The following MTMR8 variants were observed in gnomAD, a reference collection of about 807,000 sequenced individuals.
MTMR8 encodes the protein myotubularin related protein 8.
A neutral mutation model predicts 39.3 loss-of-function variants in MTMR8; 65 were observed. That is an observed-to-expected ratio of 1.65 (90% CI 1.35 to 2.03). The LOEUF (loss-of-function observed/expected upper bound fraction) is 2.03. Among genes scored for constraint, MTMR8 ranks in the 30% most tolerant of loss-of-function variants. The pLI is 0.00. For missense variants in MTMR8, 777 were observed against 538.9 expected (o/e 1.44, Z -4.37); for synonymous variants, 245 against 185.2 (o/e 1.32, Z -2.62).
chrX:64,360,390 C>CAA (rs60554048), intron 1 of MTMR8: 395 of 189,418 alleles, frequency 2.1e-3, no homozygotes, highest in Non-Finnish European at 2.3e-3. Context: ...TCAAGCAGAC[C>CAA]AAAAAAAAAA....
intron 12 of MTMR8, among the ~76,000 whole-genome samples, chrX:64,276,858 TCTC>T (rs1931881731): frequency 9.0e-6 from 1 of 111,523 alleles, no homozygotes; most frequent in Non-Finnish European, 1.9e-5. Context: ...GGTATTAAAG[TCTC>T]CTACTATTAT....
At chrX:64,287,313 G>A (rs1342467239) in intron 12 of MTMR8, among the ~76,000 whole-genome samples, 3 of 111,465 alleles carry the variant, frequency 2.7e-5, no homozygotes, top group Non-Finnish European at 5.7e-5. Context: ...CGAAATAAAA[G>A]AGGATACAAA....
chrX:64,384,470 G>T (rs1300122943), intron 1 of MTMR8, among the ~76,000 whole-genome samples: 3 of 111,801 alleles, frequency 2.7e-5, no homozygotes, highest in South Asian at 3.7e-4. Context: ...GAGGTTCTCT[G>T]TGAGGGCTCT....
At chrX:64,364,297 T>C (rs760592268) in intron 1 of MTMR8, among the ~76,000 whole-genome samples, 1 of 112,630 alleles carries the variant, frequency 8.9e-6, no homozygotes, top group Non-Finnish European at 1.9e-5. Flanking sequence ...AGTGGGTTCC[T>C]GACCACTGTG....
At chrX:64,393,603 G>A (rs1025218261) in intron 1 of MTMR8, among the ~76,000 whole-genome samples, 1 of 112,073 alleles carries the variant, frequency 8.9e-6, no homozygotes, top group Non-Finnish European at 1.9e-5. Flanking sequence ...AGAAGAGGGA[G>A]TCTGGACAAC....
intron 12 of MTMR8, among the ~76,000 whole-genome samples, chrX:64,300,167 G>T (rs1362759076): frequency 9.4e-6 from 1 of 106,854 alleles, no homozygotes; most frequent in African/African-American, 3.4e-5. Context: ...TCTGTCTAAT[G>T]TTGACAGTGG....
At chrX:64,278,012 G>A (rs924205740) in intron 12 of MTMR8, among the ~76,000 whole-genome samples, 4 of 107,649 alleles carry the variant, frequency 3.7e-5, no homozygotes, top group African/African-American at 1.0e-4. Flanking sequence ...CTTCTGCTTG[G>A]TCAATTTGGC....
chrX:64,302,932 T>A (rs948451494), intron 12 of MTMR8, among the ~76,000 whole-genome samples: 2 of 112,268 alleles, frequency 1.8e-5, no homozygotes, highest in African/African-American at 6.5e-5. Context: ...TTAGCCCTCC[T>A]CCCCTTATGG....
rs770377638 is a variant in MTMR8 at position 64,268,625 on chromosome X, C to G, written c.2027G>C (p.Arg676Thr). Residue 676 changes from arginine to threonine, a missense_variant, in exon 14 of 14, where the codon AGG becomes ACG. Physicochemically the swap from Arg to Thr is moderately conservative, Grantham distance 71 (BLOSUM62 -1). Transcript: ENST00000374852. ...ISGNLGISEA[R>T]GFSGDMGILG... ...GATGCCCATGTCCCCAGAGAAACCC[C>G]TGGCCTCAGAAATACCCAAGTTTCC... 7.4e-6 allele frequency: 9 copies of G among 1,209,741 alleles called. No homozygotes were observed. Among genetic ancestry groups the G allele is most frequent in the Admixed American group, 4.4e-5 (2 of 45,747 alleles).
At chrX:64,282,930 C>T (rs1438452478) in intron 12 of MTMR8, among the ~76,000 whole-genome samples, 1 of 111,705 alleles carries the variant, frequency 9.0e-6, no homozygotes, top group African/African-American at 3.3e-5. Flanking sequence ...TTCTGTATTT[C>T]CAACTGAGGT....
At chrX:64,335,943 T>A (rs1231703746) in intron 10 of MTMR8, 136 bp downstream of exon 10, 1 of 423,056 alleles carries the variant, frequency 2.4e-6, no homozygotes, top group Non-Finnish European at 4.0e-6. Context: ...CTAGAATACT[T>A]GTTTCTTGAT....
intron 12 of MTMR8, among the ~76,000 whole-genome samples, chrX:64,302,109 T>C (rs887270940): frequency 8.9e-6 from 1 of 112,973 alleles, no homozygotes. Context: ...TCGAGCTTTC[T>C]GGCTGCTTTG....
chrX:64,359,202 T>C (rs952453774), intron 2 of MTMR8, among the ~76,000 whole-genome samples: 1 of 110,870 alleles, frequency 9.0e-6, no homozygotes, highest in African/African-American at 3.3e-5. Flanking sequence ...TAGAATAAAA[T>C]GACTATGATG....
intron 12 of MTMR8, among the ~76,000 whole-genome samples, chrX:64,292,035 G>T (rs1466242395): frequency 2.7e-5 from 3 of 111,775 alleles, no homozygotes. Flanking sequence ...ATCCCATAAT[G>T]GGCTATAGTA....
chrX:64,293,608 T>C (rs924054525), intron 12 of MTMR8, among the ~76,000 whole-genome samples: 2 of 111,304 alleles, frequency 1.8e-5, no homozygotes, highest in Non-Finnish European at 3.8e-5. Context: ...CATAGGGATC[T>C]GGTGGTTGCA....
At chrX:64,278,961 C>A (rs938170043) in intron 12 of MTMR8, among the ~76,000 whole-genome samples, 2 of 111,549 alleles carry the variant, frequency 1.8e-5, no homozygotes, top group African/African-American at 3.3e-5. Flanking sequence ...CAGAGGGGCA[C>A]CTGCCAGATG....
chrX:64,342,413 C>G (rs1193538224), intron 8 of MTMR8, among the ~76,000 whole-genome samples: 1 of 112,279 alleles, frequency 8.9e-6, no homozygotes, highest in Non-Finnish European at 1.9e-5. Flanking sequence ...AGATAGGGAA[C>G]ACAGAAACAC....
intron 8 of MTMR8, among the ~76,000 whole-genome samples, chrX:64,341,714 T>C (rs1231950861): frequency 9.0e-6 from 1 of 111,511 alleles, no homozygotes; most frequent in Non-Finnish European, 1.9e-5. Context: ...CATGTAGTGG[T>C]ACTGTATTAG....
chrX:64,281,727 C>T (rs773585648), intron 12 of MTMR8, among the ~76,000 whole-genome samples: 25 of 104,236 alleles, frequency 2.4e-4, no homozygotes, highest in Admixed American at 5.9e-4. Flanking sequence ...AAAGAGCTTC[C>T]GAATAGCAAA....
Sources: gnomAD v4.1 joint callset for allele counts (sites outside exome capture counted in the v4.1 genomes callset) on GRCh38, gnomAD v4.1.1 for gene constraint, MANE v1.5 for transcripts, NCBI Gene and HGNC (gene_info 2026-07-23, HGNC 2026-07-21) for gene names.